WDR3: variants seen among roughly 807,000 people sequenced by gnomAD.
The protein encoded by WDR3 is WD repeat domain 3.
A neutral mutation model predicts 123.7 loss-of-function variants in WDR3; 81 were observed. The observed-to-expected ratio is 0.65, with a 90% CI of 0.55 to 0.79. The LOEUF (loss-of-function observed/expected upper bound fraction) is 0.79, where lower values mean the gene tolerates loss of function less well. Among genes scored for constraint, WDR3 ranks in the 30% least tolerant of loss-of-function variants. The pLI is 0.00. For synonymous variants in WDR3, 390 were observed against 388.8 expected (o/e 1.00, Z -0.04); for missense variants, 1,027 against 1,123.2 (o/e 0.91, Z 1.22).
rs1157691046 is a variant in WDR3 at position 117,961,364 on chromosome 1, T to C, written c.*1917T>C. 1.3e-5 allele frequency: 2 copies of C among 152,194 alleles called. No individual in the cohort carries two copies. Among genetic ancestry groups the C allele is most frequent in the African/African-American group, 2.4e-5 (1 of 41,450 alleles). The allele number at this position is 152,194 out of a possible 1,614,324, so 9.4% of individuals were successfully genotyped here. A position where few individuals can be genotyped will look rare whatever the true frequency, so the allele number is the denominator to read the frequency against. On this transcript the variant is annotated 3_prime_UTR_variant, in exon 27 of 27. Coordinates refer to ENST00000349139, the MANE Select transcript of WDR3 (RefSeq NM_006784.3). The stretch of plus-strand genomic sequence containing the variant: ...CCCATGTTCAACGGATTGTCTACTG[T>C]ATATCTTCATGGTAAGGATTTGGGG...
In WDR3 at chr1:117,963,972, AC is replaced by A. The variant is rs775890005; in HGVS notation, c.*4526del. 1.9e-6 allele frequency: 3 copies of A among 1,589,808 alleles called. No individual in the cohort carries two copies. In the South Asian group the frequency reaches 3.4e-5, roughly 18 times the overall value. ...CTTGTTAAGGGCTGTGCTTTTCATGACTAAATTATTTGCATATATAAACCTA... is the reference window on the plus strand; with the variant it reads ...CTTGTTAAGGGCTGTGCTTTTCATGATAAATTATTTGCATATATAAACCTA... On this transcript the variant is annotated 3_prime_UTR_variant, in exon 27 of 27. Transcript: ENST00000349139.
chr1:117,936,963 C>G (rs141122514), intron 4 of WDR3, 76 bp downstream of exon 4: 57 of 1,264,932 alleles, frequency 4.5e-5, no homozygotes, highest in Middle Eastern at 3.9e-4. Flanking sequence ...TCATTTCTCT[C>G]ATGAGCAGTG....
intron 13 of WDR3, among the ~76,000 whole-genome samples, chr1:117,949,398 A>G (rs1651519383): frequency 6.6e-6 from 1 of 152,216 alleles, no homozygotes; most frequent in South Asian, 2.1e-4. Flanking sequence ...GACTAAATTT[A>G]TATCCTTCTG....
intron 1 of WDR3, among the ~76,000 whole-genome samples, chr1:117,932,966 G>A (rs753811542): frequency 6.6e-6 from 1 of 151,518 alleles, no homozygotes; most frequent in Non-Finnish European, 1.5e-5. Context: ...AGGCCGTGGC[G>A]GATGGATCAC....
Position 117,966,234 on chromosome 1 carries a change from G to A in WDR3, c.*6787G>A, listed in dbSNP as rs1409962841. 1 of 161,406 alleles carries A rather than the reference G, an allele frequency of 6.2e-6. No homozygotes were observed. Among genetic ancestry groups the A allele is most frequent in the African/African-American group, 2.4e-5 (1 of 41,704 alleles). The allele number at this position is 161,406 out of a possible 1,614,324, so 10.0% of individuals were successfully genotyped here. A position where few individuals can be genotyped will look rare whatever the true frequency, so the allele number is the denominator to read the frequency against. On this transcript the variant is annotated 3_prime_UTR_variant, in exon 27 of 27. Transcript: ENST00000349139. Reference sequence around the variant, plus strand: ...CTGTTTGGCTGAAGACACTGATAAGGAGGAATGCATGCATAATTCAGTGAA... The same window carrying A: ...CTGTTTGGCTGAAGACACTGATAAGAAGGAATGCATGCATAATTCAGTGAA...
At chr1:117,939,666 A>G in intron 6 of WDR3, 94 bp downstream of exon 6, 1 of 1,232,756 alleles carries the variant, frequency 8.1e-7, no homozygotes, top group South Asian at 1.3e-5. Context: ...ACTTCACATC[A>G]TATTAGAAGG....
At chr1:117,950,206 A>G (rs1401595684) in intron 15 of WDR3, 76 bp downstream of exon 15, 5 of 1,574,470 alleles carry the variant, frequency 3.2e-6, no homozygotes, top group Non-Finnish European at 4.3e-6. Context: ...GGCTATAAAG[A>G]AGTGGCCTTG....
chr1:117,934,241 G>T (rs917462096), intron 2 of WDR3, among the ~76,000 whole-genome samples: 1 of 152,168 alleles, frequency 6.6e-6, no homozygotes, highest in Non-Finnish European at 1.5e-5. Flanking sequence ...TTACAACAAC[G>T]TAGGGCTTTG....
At chr1:117,952,242 C>T in intron 17 of WDR3, 55 bp from the exon 18 acceptor site, 1 of 1,528,634 alleles carries the variant, frequency 6.5e-7, no homozygotes, top group Non-Finnish European at 9.0e-7. Context: ...GTGTGTAAAA[C>T]TCTTTTTACT....
chr1:117,955,653 A>ATATTTTGGC (rs1205421660), intron 24 of WDR3, among the ~76,000 whole-genome samples: 1 of 151,952 alleles, frequency 6.6e-6, no homozygotes, highest in Admixed American at 6.6e-5. Context: ...AATTTGTTTT[A>ATATTTTGGC]TATTTTGGCT....
At chr1:117,934,731 G>T in intron 3 of WDR3, 49 bp downstream of exon 3, 1 of 1,594,468 alleles carries the variant, frequency 6.3e-7, no homozygotes. Context: ...GGAATGTAAG[G>T]CTTATGCTGA....
At chr1:117,933,032 TAAAA>T (rs578170436) in intron 1 of WDR3, among the ~76,000 whole-genome samples, 1 of 92,856 alleles carries the variant, frequency 1.1e-5, no homozygotes. Flanking sequence ...CCATCTCTAC[TAAAA>T]AAAAAAAAAA....
chr1:117,933,402 T>C lies in WDR3; in HGVS notation c.83T>C (p.Phe28Ser). The C allele has an allele frequency of 6.2e-7, 1 of 1,614,168 alleles. No individual in the cohort carries two copies. The highest frequency in any genetic ancestry group is 8.5e-7 in the Non-Finnish European group (1 of 1,180,030). ...VIGSQKGNIV[F>S]VTLRGEKGRY... is the part of the protein sequence containing the mutation. ...GGCAGCCAAAAAGGTAATATTGTCT[T>C]TGTGACACTTCGTGGTGAGAAAGGA... The change falls in exon 2 of 27, where the codon TTT becomes TCT. Residue 28 changes from phenylalanine to serine, a missense_variant. By Grantham distance (155) the Phe-to-Ser change is radical. Transcript: ENST00000349139.
At chr1:117,930,133 A>G (rs1571005011) in intron 1 of WDR3, among the ~76,000 whole-genome samples, 1 of 152,350 alleles carries the variant, frequency 6.6e-6, no homozygotes, top group South Asian at 2.1e-4. Flanking sequence ...GCCACGGTCC[A>G]GGCCTTCAGT....
chr1:117,958,926 A>T lies in WDR3; in HGVS notation c.2599A>T (p.Ile867Phe). Residue 867 changes from isoleucine (I) to phenylalanine (F), a missense_variant, in exon 26 of 27, where the codon ATC becomes TTC. By Grantham distance (21) the Ile-to-Phe change is conservative. Coordinates refer to ENST00000349139, the MANE Select transcript of WDR3 (RefSeq NM_006784.3). ...TTCTATCAGGATTCACTTTGGACAG[A>T]TCACTAGCAATCAAATGCTTGTGCC... ...FFLLRIHFGQ[I>F]TSNQMLVPVI... 6.2e-7 allele frequency: 1 copy of T among 1,614,056 alleles called. No homozygotes were observed. Among genetic ancestry groups the T allele is most frequent in the Non-Finnish European group, 8.5e-7 (1 of 1,179,942 alleles).
intron 12 of WDR3, among the ~76,000 whole-genome samples, chr1:117,947,999 A>G (rs973554830): frequency 6.6e-6 from 1 of 152,208 alleles, no homozygotes; most frequent in Non-Finnish European, 1.5e-5. Context: ...GTGGTTGCTT[A>G]AGCCAATAAC....
At chr1:117,953,107 C>G in intron 20 of WDR3, 111 bp downstream of exon 20, 1 of 1,183,860 alleles carries the variant, frequency 8.4e-7, no homozygotes, top group South Asian at 1.5e-5. Flanking sequence ...CTAGAAGTTG[C>G]AGGTATCACC....
chr1:117,959,513 G>A lies in WDR3; in HGVS notation c.*66G>A, dbSNP rs1005449179. On this transcript the variant is annotated 3_prime_UTR_variant, in exon 27 of 27. Coordinates refer to ENST00000349139, the MANE Select transcript of WDR3 (RefSeq NM_006784.3). ...TTAAAGGACTCCTAAACTAAGCACAGAAGAGTTGGCGTCATCTTAAAAATA... is the reference window on the plus strand; with the variant it reads ...TTAAAGGACTCCTAAACTAAGCACAAAAGAGTTGGCGTCATCTTAAAAATA... 4.8e-6 allele frequency: 7 copies of A among 1,451,578 alleles called. No homozygotes were observed. The Admixed American group carries it at 1.6e-4, about 33-fold the overall frequency. The allele number at this position is 1,451,578 out of a possible 1,614,324, so 89.9% of individuals were successfully genotyped here.
chr1:117,965,924 GC>G lies in WDR3; in HGVS notation c.*6479del, dbSNP rs1441707750. ...CCCAAACACCTGGAGCTTTCCTGTT[GC>G]CATGGTTTTGTTCATTATTTTTACT... On this transcript the variant is annotated 3_prime_UTR_variant, in exon 27 of 27. Coordinates refer to ENST00000349139, the MANE Select transcript of WDR3 (RefSeq NM_006784.3). 6.6e-6 allele frequency: 1 copy of G among 152,134 alleles called. No homozygotes were observed. The highest frequency in any genetic ancestry group is 1.5e-5 in the Non-Finnish European group (1 of 68,022). The allele number at this position is 152,134 out of a possible 1,614,324, so 9.4% of individuals were successfully genotyped here. A position where few individuals can be genotyped will look rare whatever the true frequency, so the allele number is the denominator to read the frequency against.
Sources: gnomAD v4.1 joint callset for allele counts (sites outside exome capture counted in the v4.1 genomes callset) on GRCh38, gnomAD v4.1.1 for gene constraint, MANE v1.5 for transcripts, NCBI Gene and HGNC (gene_info 2026-07-23, HGNC 2026-07-21) for gene names.